The following PRDM11 variants were observed in gnomAD, a reference collection of about 807,000 sequenced individuals.
The protein encoded by PRDM11 is PR/SET domain 11.
PRDM11 carries 20 observed loss-of-function variants against 97.8 expected under a neutral mutation model. The observed-to-expected ratio is 0.20, with a 90% CI of 0.14 to 0.30. The LOEUF (loss-of-function observed/expected upper bound fraction) is 0.30. Among genes scored for constraint, PRDM11 ranks in the 10% least tolerant of loss-of-function variants. The pLI is 1.00. For missense variants in PRDM11, 1,139 were observed against 1,555.2 expected (o/e 0.73, Z 4.50); for synonymous variants, 599 against 637.7 (o/e 0.94, Z 0.91).
In PRDM11 at chr11:45,232,409, T is replaced by C. The variant is rs1854415044; in HGVS notation, c.*4250T>C. The stretch of plus-strand genomic sequence containing the variant: ...TCTAGACCTAGGTCTGCTTTTGGCT[T>C]TCAGTCTGGGTTGATTTCCAAGTCG... On this transcript the variant is annotated 3_prime_UTR_variant, in exon 8 of 8. Transcript: ENST00000683152. 6.6e-6 allele frequency: 1 copy of C among 152,284 alleles called. No individual in the cohort carries two copies. The highest frequency in any genetic ancestry group is 1.5e-5 in the Non-Finnish European group (1 of 68,100). The allele number at this position is 152,284 out of a possible 1,614,324, so 9.4% of individuals were successfully genotyped here.
intron 1 of PRDM11, among the ~76,000 whole-genome samples, chr11:45,096,380 C>T (rs757710015): frequency 1.8e-4 from 28 of 152,328 alleles, no homozygotes; most frequent in Admixed American, 3.9e-4. Flanking sequence ...TTCATTCACA[C>T]GTCTTAACAT....
chr11:45,133,542 A>AGG (rs1319308888), intron 1 of PRDM11, among the ~76,000 whole-genome samples: 1 of 152,156 alleles, frequency 6.6e-6, no homozygotes, highest in Non-Finnish European at 1.5e-5. Context: ...CTGAAGCCTG[A>AGG]CCCAGATTTT....
chr11:45,177,759 A>G (rs1852363515), intron 1 of PRDM11, among the ~76,000 whole-genome samples: 1 of 152,160 alleles, frequency 6.6e-6, no homozygotes, highest in Non-Finnish European at 1.5e-5. Context: ...GTAACTCATT[A>G]TGTTTCCCTT....
At chr11:45,200,789 A>G (rs1853299053) in intron 4 of PRDM11, among the ~76,000 whole-genome samples, 1 of 152,202 alleles carries the variant, frequency 6.6e-6, no homozygotes, top group South Asian at 2.1e-4. Context: ...CTTGAGTTGC[A>G]TGTTTTCTCT....
chr11:45,123,245 C>T (rs1181179358), intron 1 of PRDM11, among the ~76,000 whole-genome samples: 1 of 152,040 alleles, frequency 6.6e-6, no homozygotes. Context: ...GGATATTAGC[C>T]CTTTGTCAGA....
chr11:45,192,936 A>G (rs750405241), intron 4 of PRDM11, among the ~76,000 whole-genome samples: 1 of 152,366 alleles, frequency 6.6e-6, no homozygotes, highest in East Asian at 1.9e-4. Flanking sequence ...ATTGCTATTT[A>G]TAAGGCGAAT....
intron 1 of PRDM11, among the ~76,000 whole-genome samples, chr11:45,140,676 A>G (rs527800500): frequency 3.9e-5 from 6 of 152,016 alleles, no homozygotes; most frequent in Non-Finnish European, 5.9e-5. Context: ...GGCTCCACCC[A>G]GCAGTCCTAA....
intron 4 of PRDM11, among the ~76,000 whole-genome samples, chr11:45,202,464 AT>A (rs1409618655): frequency 6.6e-6 from 1 of 152,232 alleles, no homozygotes; most frequent in Non-Finnish European, 1.5e-5. Flanking sequence ...TCAAACTCAC[AT>A]AATCTGAGAC....
chr11:45,213,142 C>T (rs1175376000), intron 5 of PRDM11: 1 of 456,550 alleles, frequency 2.2e-6, no homozygotes, highest in Non-Finnish European at 4.4e-6. Context: ...ATCGATGACC[C>T]TTGTAGGACA....
At chr11:45,204,465 C>CT (rs1389038147) in intron 4 of PRDM11, among the ~76,000 whole-genome samples, 2 of 152,198 alleles carry the variant, frequency 1.3e-5, no homozygotes, top group African/African-American at 4.8e-5. Flanking sequence ...CAAAACACCT[C>CT]TGAAGGGCTT....
chr11:45,109,616 AAGACTGAGGTGTGGG>A (rs1156491042), intron 1 of PRDM11, among the ~76,000 whole-genome samples: 9 of 152,238 alleles, frequency 5.9e-5, no homozygotes, highest in African/African-American at 1.9e-4. Context: ...GGCCACAACC[AAGACTGAGGTGTGGG>A]AGATGGAACA....
intron 1 of PRDM11, among the ~76,000 whole-genome samples, chr11:45,096,566 T>G (rs1292965188): frequency 2.0e-5 from 3 of 152,120 alleles, no homozygotes; most frequent in South Asian, 2.1e-4. Context: ...TTTTCATTAT[T>G]CTGGCCAGGC....
chr11:45,213,241 G>T (rs182700051), intron 5 of PRDM11: 1 of 456,504 alleles, frequency 2.2e-6, no homozygotes, highest in East Asian at 6.9e-5. Context: ...CTCATCTTTG[G>T]CGGATGCTGA....
chr11:45,146,962 C>G (rs1192819462), intron 1 of PRDM11, 85 bp downstream of exon 1: 1 of 145,536 alleles, frequency 6.9e-6, no homozygotes, highest in Non-Finnish European at 1.5e-5. Context: ...CGGGGGCCGC[C>G]GGTGCGGGGG....
intron 1 of PRDM11, among the ~76,000 whole-genome samples, chr11:45,174,052 A>G (rs554601491): frequency 2.6e-5 from 4 of 152,164 alleles, no homozygotes; most frequent in African/African-American, 4.8e-5. Context: ...AGTTATTCCC[A>G]AGAATAACCA....
intron 3 of PRDM11, 44 bp downstream of exon 3, chr11:45,182,393 C>A: frequency 6.5e-7 from 1 of 1,536,166 alleles, no homozygotes; most frequent in Non-Finnish European, 9.0e-7. Context: ...CCTTCACCCC[C>A]ATCGCCCCAT....
chr11:45,140,277 C>T (rs191434779), intron 1 of PRDM11, among the ~76,000 whole-genome samples: 37 of 152,294 alleles, frequency 2.4e-4, no homozygotes, highest in Admixed American at 1.2e-3. Context: ...AAACTGGTCC[C>T]TCACTTTACA....
At chr11:45,157,676 A>G (rs1338699889) in intron 1 of PRDM11, among the ~76,000 whole-genome samples, 1 of 152,194 alleles carries the variant, frequency 6.6e-6, no homozygotes, top group Non-Finnish European at 1.5e-5. Flanking sequence ...GTCCTGGCTG[A>G]TGGGCAGGCA....
At chr11:45,098,071 G>C (rs1851914903) in intron 1 of PRDM11, among the ~76,000 whole-genome samples, 1 of 152,252 alleles carries the variant, frequency 6.6e-6, no homozygotes, top group Non-Finnish European at 1.5e-5. Context: ...TCACGTGACA[G>C]AGCTCTTCAG....
Sources: allele counts gnomAD v4.1 joint callset (sites outside exome capture counted in the v4.1 genomes callset), GRCh38; gene constraint gnomAD v4.1.1; transcripts MANE v1.5; gene names NCBI Gene and HGNC (gene_info 2026-07-23, HGNC 2026-07-21).